The following LMTK3 variants were observed in gnomAD, a reference collection of about 807,000 sequenced individuals.
LMTK3 encodes serine/threonine-protein kinase LMTK3.
A neutral mutation model predicts 116.7 loss-of-function variants in LMTK3; 27 were observed. The observed-to-expected ratio is 0.23, with a 90% CI of 0.17 to 0.32. The LOEUF (loss-of-function observed/expected upper bound fraction) is 0.32, where lower values mean the gene tolerates loss of function less well. Ranked by LOEUF, LMTK3 falls within the 10% of genes least tolerant of loss-of-function variation. The pLI is 1.00. For synonymous variants in LMTK3, 965 were observed against 971.0 expected, an observed-to-expected ratio of 0.99 and a Z score of 0.11; for missense variants, 1,764 against 2,068.5, an observed-to-expected ratio of 0.85 and a Z score of 2.86.
intron 5 of LMTK3, among the ~76,000 whole-genome samples, chr19:48,506,109 T>G (rs993721694): frequency 2.8e-4 from 41 of 145,644 alleles, no homozygotes; most frequent in Non-Finnish European, 5.1e-4. Flanking sequence ...GCCACTGCAC[T>G]CCAGCCTGAC....
chr19:48,495,134 C>T (rs1025172325), intron 11 of LMTK3, among the ~76,000 whole-genome samples: 5 of 151,996 alleles, frequency 3.3e-5, no homozygotes, highest in East Asian at 3.9e-4. Flanking sequence ...CTCAGCCTCC[C>T]GAGTAGCTGG....
At chr19:48,503,778 C>T (rs1290955150) in intron 5 of LMTK3, among the ~76,000 whole-genome samples, 1 of 151,966 alleles carries the variant, frequency 6.6e-6, no homozygotes, top group Non-Finnish European at 1.5e-5. Flanking sequence ...CGGGCCTTTG[C>T]ACCTACAGTT....
chr19:48,510,733 GC>G, intron 1 of LMTK3, 141 bp from the exon 2 acceptor site: 1 of 982,258 alleles, frequency 1.0e-6, no homozygotes, highest in Non-Finnish European at 1.4e-6. Context: ...GTGCAGAGTG[GC>G]CCAAGGCATT....
At chr19:48,503,596 C>T (rs1972511105) in intron 5 of LMTK3, among the ~76,000 whole-genome samples, 1 of 152,006 alleles carries the variant, frequency 6.6e-6, no homozygotes, top group Non-Finnish European at 1.5e-5. Context: ...TGGCTCTAGT[C>T]TCTCCCCTTC....
Position 48,498,632 on chromosome 19 carries a change from C to T in LMTK3, c.2437G>A (p.Ala813Thr). ...GGCCGAGGGACCCCTTCCTCCTCGG[C>T]CGCCCCCCCACCTGGGAAGGCTCCC... ...PEGAFPGGGA[A>T]EEEGVPRPRA... Residue 813 changes from alanine to threonine, a missense_variant, in exon 11 of 15, where the codon GCC (alanine) becomes ACC (threonine). By Grantham distance (58) the Ala-to-Thr change is moderately conservative (BLOSUM62 0). Around this residue, in one of 7 missense-constraint regions of LMTK3, gnomAD observed 1,028 missense variants for 1,050.6 expected, o/e 0.98. Transcript: ENST00000600059. 2 of 1,541,476 alleles carry T rather than the reference C, an allele frequency of 1.3e-6. No individual in the cohort carries two copies. The highest frequency in any genetic ancestry group is 2.0e-5 in the Admixed American group (1 of 49,884).
chr19:48,498,123 T>C lies in LMTK3; in HGVS notation c.2946A>G (p.Pro982=). The part of the protein sequence containing the change: ...KALENGELRS[P]EAGEKVLVNG... ...TCACCAGCACCTTCTCCCCGGCCTC[T>C]GGGGACCTCAGCTCCCCATTCTCCA... Residue 982 remains proline, a synonymous_variant, in exon 11 of 15, where the codon CCA becomes CCG. Transcript: ENST00000600059. The C allele has an allele frequency of 3.7e-6, 6 of 1,613,504 alleles. No individual in the cohort carries two copies. The highest frequency in any genetic ancestry group is 5.1e-6 in the Non-Finnish European group (6 of 1,179,806).
rs1326161865 is a variant in LMTK3 at position 48,493,586 on chromosome 19, A to G, written c.4092+108T>C. On this transcript the variant is annotated intron_variant, in intron 12 of 14. Transcript: ENST00000600059. Reference sequence around the variant, plus strand: ...CCCCACTCCAGCTCCGCCTCCCTCCAGGCCCCGCCCAACTCTAAGCTCGGC... The same window carrying G: ...CCCCACTCCAGCTCCGCCTCCCTCCGGGCCCCGCCCAACTCTAAGCTCGGC... 8.9e-6 allele frequency: 8 copies of G among 897,904 alleles called. No homozygotes were observed. The East Asian group carries it at 3.9e-4, about 43-fold the overall frequency. 55.6% of individuals were successfully genotyped at this position (897,904 alleles called of 1,614,324 possible).
intron 3 of LMTK3, 147 bp downstream of exon 3, chr19:48,509,876 T>C (rs1187780521): frequency 1.3e-5 from 11 of 855,022 alleles, no homozygotes; most frequent in Non-Finnish European, 1.8e-5. Context: ...CCCCATAGGC[T>C]GCTTCCAAGA....
chr19:48,497,741 C>T lies in LMTK3; in HGVS notation c.3328G>A (p.Gly1110Arg). 7.4e-7 allele frequency: 1 copy of T among 1,348,252 alleles called. No individual in the cohort carries two copies. Among genetic ancestry groups the T allele is most frequent in the East Asian group, 3.0e-5 (1 of 33,564 alleles). 83.5% of individuals were successfully genotyped at this position (1,348,252 alleles called of 1,614,324 possible). A position where few individuals can be genotyped will look rare whatever the true frequency, so the allele number is the denominator to read the frequency against. ...RAPGAGRLDL[G>R]SGGRAPVGTG... is the part of the protein sequence containing the mutation. Reference sequence around the variant, plus strand: ...CCCACTGGGGCTCGGCCCCCACTCCCGAGGTCCAGCCTCCCAGCCCCTGGG... The same window carrying T: ...CCCACTGGGGCTCGGCCCCCACTCCTGAGGTCCAGCCTCCCAGCCCCTGGG... The change falls in exon 11 of 15, where the codon GGG becomes AGG. Residue 1110 changes from glycine to arginine, a missense_variant. Gly to Arg is a moderately radical substitution (Grantham distance 125, BLOSUM62 -2). This residue lies in a region of LMTK3 where 1,028 missense variants were observed against 1,050.6 expected (regional missense o/e 0.98). Transcript: ENST00000600059. The surrounding 1 kb of genome is among the most constrained non-coding windows in gnomAD (Gnocchi z 5.7).
intron 7 of LMTK3, 45 bp from the exon 8 acceptor site, chr19:48,501,607 G>A (rs1972469310): frequency 1.9e-6 from 3 of 1,541,980 alleles, no homozygotes; most frequent in South Asian, 2.4e-5. Context: ...CAGCCCTCCA[G>A]CCACGCCCTG....
chr19:48,490,962 G>C (rs1972210648), intron 14 of LMTK3, 146 bp downstream of exon 14: 1 of 520,838 alleles, frequency 1.9e-6, no homozygotes, highest in African/African-American at 2.0e-5. Flanking sequence ...CCAGAGCTGG[G>C]TGGGGTGTCT....
chr19:48,491,240 T>G lies in LMTK3; in HGVS notation c.4234A>C (p.Ser1412Arg). 1 of 1,404,110 alleles carries G rather than the reference T, an allele frequency of 7.1e-7. No homozygotes were observed. Among genetic ancestry groups the G allele is most frequent in the Non-Finnish European group, 9.3e-7 (1 of 1,075,916 alleles). 87.0% of individuals were successfully genotyped at this position (1,404,110 alleles called of 1,614,324 possible). A position where few individuals can be genotyped will look rare whatever the true frequency, so the allele number is the denominator to read the frequency against. The change falls in exon 14 of 15, where the codon AGT (serine) becomes CGT (arginine). Residue 1412 changes from serine to arginine, a missense_variant. Transcript: ENST00000600059. This position sits in a 1 kb window ranked among gnomAD's most constrained non-coding sequence, Gnocchi z 5.1. ...GGGAAATCCTCCGCCCACTCGAAAC[T>G]GCCTCCTGCGGCAGAAGGAAAGACC... ...FPSNDSGFGG[S>R]FEWAEDFPLL...
rs1355293174 is a variant in LMTK3, at chr19:48,499,359, G to T, written c.1710C>A (p.Pro570=). The change falls in exon 11 of 15, where the codon CCC becomes CCA. Residue 570 remains proline, a synonymous_variant. Coordinates refer to ENST00000600059, the MANE Select transcript of LMTK3 (RefSeq NM_001388485.1). The part of the protein sequence containing the change: ...LDPGVPAPQA[P]QAPSEVPQLV... Reference sequence around the variant, plus strand: ...GCTGGGGGACCTCGGAGGGGGCCTGGGGGGCCTGAGGGGCGGGCACTCCTG... The same window carrying T: ...GCTGGGGGACCTCGGAGGGGGCCTGTGGGGCCTGAGGGGCGGGCACTCCTG... The T allele has an allele frequency of 2.1e-6, 3 of 1,424,966 alleles. No individual in the cohort carries two copies. The highest frequency in any genetic ancestry group is 2.8e-6 in the Non-Finnish European group (3 of 1,082,662). 88.3% of individuals were successfully genotyped at this position (1,424,966 alleles called of 1,614,324 possible).
At chr19:48,490,427 G>A (rs1253342300) in intron 14 of LMTK3, among the ~76,000 whole-genome samples, 1 of 150,282 alleles carries the variant, frequency 6.7e-6, no homozygotes, top group Non-Finnish European at 1.5e-5. Context: ...TTGGGCGGCT[G>A]AGACACGAGA....
rs764037955 is a variant in LMTK3 at position 48,499,171 on chromosome 19, C to T, written c.1898G>A (p.Gly633Glu). ...TTCTTCTTCCACCCACGGGGCGGTCCCCCGCTCCCCCAAGACCTCGGCAGG... is the reference window on the plus strand; with the variant it reads ...TTCTTCTTCCACCCACGGGGCGGTCTCCCGCTCCCCCAAGACCTCGGCAGG... The part of the protein sequence containing the change: ...GDPAEVLGER[G>E]TAPWVEEEEE... The change falls in exon 11 of 15, where the codon GGG (glycine) becomes GAG (glutamate). Residue 633 changes from glycine to glutamate, a missense_variant. Physicochemically the swap from Gly to Glu is moderately conservative, Grantham distance 98 (BLOSUM62 -2). This residue lies in a region of LMTK3 where 1,028 missense variants were observed against 1,050.6 expected (regional missense o/e 0.98). Transcript: ENST00000600059. 12 of 1,497,694 alleles carry T rather than the reference C, an allele frequency of 8.0e-6. No homozygotes were observed. In the East Asian group the frequency reaches 2.5e-4, roughly 31 times the overall value. The allele number at this position is 1,497,694 out of a possible 1,614,324, so 92.8% of individuals were successfully genotyped here.
chr19:48,499,259 T>C lies in LMTK3; in HGVS notation c.1810A>G (p.Ser604Gly). 7.2e-7 allele frequency: 1 copy of C among 1,389,092 alleles called. No individual in the cohort carries two copies. The highest frequency in any genetic ancestry group is 9.4e-7 in the Non-Finnish European group (1 of 1,068,456). 86.0% of individuals were successfully genotyped at this position (1,389,092 alleles called of 1,614,324 possible). ...PFPAQSSASG[S>G]FLLSGWDPEG... is the part of the protein sequence containing the mutation. ...GGGTCCCAGCCGCTCAGCAGGAAGCTGCCTGACGCTGAGGACTGGGCTGGG... is the reference window on the plus strand; with the variant it reads ...GGGTCCCAGCCGCTCAGCAGGAAGCCGCCTGACGCTGAGGACTGGGCTGGG... The change falls in exon 11 of 15, where the codon AGC becomes GGC. Residue 604 changes from serine (S) to glycine (G), a missense_variant. Physicochemically the swap from Ser to Gly is moderately conservative, Grantham distance 56. This residue lies in a region of LMTK3 where 1,028 missense variants were observed against 1,050.6 expected (regional missense o/e 0.98). Transcript: ENST00000600059.
At chr19:48,505,259 A>G (rs1460111927) in intron 5 of LMTK3, among the ~76,000 whole-genome samples, 1 of 151,652 alleles carries the variant, frequency 6.6e-6, no homozygotes, top group Non-Finnish European at 1.5e-5. Flanking sequence ...GATTACAGGC[A>G]TGTGCCACCA....
chr19:48,513,406 G>A (rs1456640715), upstream of LMTK3: 28 of 573,694 alleles, frequency 4.9e-5, no homozygotes, highest in Non-Finnish European at 6.6e-5. This position sits in a 1 kb window ranked among gnomAD's most constrained non-coding sequence, Gnocchi z 5.6. Context: ...ACACAAGCCG[G>A]GGAGTGGCAA....
In LMTK3 at chr19:48,491,159, C is replaced by T; in HGVS notation, c.4315G>A (p.Ala1439Thr). Residue 1439 changes from alanine (A) to threonine (T), a missense_variant, in exon 14 of 15, where the codon GCG becomes ACG. By Grantham distance (58) the Ala-to-Thr change is moderately conservative. Transcript: ENST00000600059. The surrounding 1 kb of genome is among the most constrained non-coding windows in gnomAD (Gnocchi z 5.1). The part of the protein sequence containing the change: ...LCFSRFSVSP[A>T]LETPGPPARA... ...GCGGGTGGCCCCGGGGTCTCCAGCG[C>T]AGGCGAGACGGAGAAGCGGGAGAAG... The T allele has an allele frequency of 7.3e-7, 1 of 1,372,114 alleles. No homozygotes were observed. The highest frequency in any genetic ancestry group is 9.4e-7 in the Non-Finnish European group (1 of 1,066,402). 85.0% of individuals were successfully genotyped at this position (1,372,114 alleles called of 1,614,324 possible).
Sources: allele counts gnomAD v4.1 joint callset (sites outside exome capture counted in the v4.1 genomes callset), GRCh38; gene constraint gnomAD v4.1.1; regional missense constraint gnomAD v4.1.1; non-coding constraint Gnocchi (gnomAD v3.1); transcripts MANE v1.5; gene names NCBI Gene and HGNC (gene_info 2026-07-23, HGNC 2026-07-21).